SH3RF1: variants seen among roughly 807,000 people sequenced by gnomAD.
The protein encoded by SH3RF1 is E3 ubiquitin-protein ligase SH3RF1.
Under a neutral mutation model 74.0 loss-of-function variants are expected in SH3RF1, and 32 were observed. The observed-to-expected ratio is 0.43, with a 90% confidence interval of 0.33 to 0.58. The LOEUF (loss-of-function observed/expected upper bound fraction) is 0.58, where lower values mean the gene tolerates loss of function less well. Ranked by LOEUF, SH3RF1 falls within the 20% of genes least tolerant of loss-of-function variation. The pLI, the probability that SH3RF1 is intolerant of heterozygous loss-of-function variation, is 0.05. For missense variants in SH3RF1, 954 were observed against 1,130.9 expected (o/e 0.84, Z 2.24); for synonymous variants, 396 against 439.6 (o/e 0.90, Z 1.24).
intron 11 of SH3RF1, among the ~76,000 whole-genome samples, chr4:169,105,706 C>G (rs1429657602): frequency 6.6e-6 from 1 of 152,164 alleles, no homozygotes; most frequent in Non-Finnish European, 1.5e-5. Context: ...CTAGCCTGGG[C>G]AACATGGGAG....
chr4:169,118,037 C>T (rs780037727), intron 8 of SH3RF1, among the ~76,000 whole-genome samples: 2 of 152,216 alleles, frequency 1.3e-5, no homozygotes, highest in Non-Finnish European at 2.9e-5. Flanking sequence ...TTATTGCATT[C>T]AGCTTTCCAT....
intron 1 of SH3RF1, 90 bp from the exon 2 acceptor site, chr4:169,269,397 A>C (rs1342652799): frequency 1.7e-6 from 1 of 603,912 alleles, no homozygotes; most frequent in South Asian, 2.4e-5. Flanking sequence ...AAAAGTACCC[A>C]AAAGTACACT....
chr4:169,191,712 A>G (rs1345404721), intron 2 of SH3RF1, among the ~76,000 whole-genome samples: 2 of 152,194 alleles, frequency 1.3e-5, no homozygotes, highest in Non-Finnish European at 2.9e-5. Context: ...CCAATGGAAC[A>G]GAATAGAGAA....
chr4:169,133,456 C>T (rs185697395), intron 5 of SH3RF1, among the ~76,000 whole-genome samples: 34 of 148,638 alleles, frequency 2.3e-4, no homozygotes, highest in African/African-American at 8.0e-4. Flanking sequence ...GCCTGGGAGA[C>T]AACAGCAAAA....
intron 2 of SH3RF1, among the ~76,000 whole-genome samples, chr4:169,175,847 T>C (rs1734411572): frequency 6.6e-6 from 1 of 152,148 alleles, no homozygotes; most frequent in Non-Finnish European, 1.5e-5. Context: ...AATTCATAAA[T>C]TGAAACCCTA....
chr4:169,180,248 G>T (rs1734485665), intron 2 of SH3RF1, among the ~76,000 whole-genome samples: 1 of 120,344 alleles, frequency 8.3e-6, no homozygotes, highest in South Asian at 2.9e-4. Context: ...AGAATAAAGA[G>T]GTATAGAAAA....
Position 169,096,653 on chromosome 4 carries a change from C to T in SH3RF1, c.2533G>A (p.Glu845Lys), listed in dbSNP as rs1732937382. ...RVVVSYPPQS[E>K]AELELKEGDI... ...CCTTCTTTAAGTTCAAGTTCTGCCT[C>T]ACTCTGAGGAGGATAGGAAACCACC... The change falls in exon 12 of 12, where the codon GAG becomes AAG. Residue 845 changes from glutamate to lysine, a missense_variant. Physicochemically the swap from Glu to Lys is moderately conservative, Grantham distance 56 (BLOSUM62 1). Around this residue, in one of 3 missense-constraint regions of SH3RF1, gnomAD observed 36 missense variants for 66.5 expected, o/e 0.54. Coordinates refer to ENST00000284637, the MANE Select transcript of SH3RF1 (RefSeq NM_020870.4). 1.9e-6 allele frequency: 3 copies of T among 1,614,118 alleles called. No individual in the cohort carries two copies. The highest frequency in any genetic ancestry group is 2.5e-6 in the Non-Finnish European group (3 of 1,180,010).
At chr4:169,123,886 C>T (rs1032668930) in intron 6 of SH3RF1, among the ~76,000 whole-genome samples, 7 of 149,742 alleles carry the variant, frequency 4.7e-5, no homozygotes, top group South Asian at 2.1e-4. Flanking sequence ...AGCAAGACTC[C>T]GTCTCAAAAA....
intron 2 of SH3RF1, among the ~76,000 whole-genome samples, chr4:169,217,769 G>C (rs1730490810): frequency 6.6e-6 from 1 of 152,118 alleles, no homozygotes; most frequent in Non-Finnish European, 1.5e-5. Context: ...ATGGATTCTG[G>C]CTAGTGATGG....
chr4:169,193,454 C>A (rs1734761799), intron 2 of SH3RF1, among the ~76,000 whole-genome samples: 1 of 152,124 alleles, frequency 6.6e-6, no homozygotes, highest in African/African-American at 2.4e-5. Context: ...GATATTTATT[C>A]TTTTAAACAT....
chr4:169,220,460 C>T (rs1579145882), intron 2 of SH3RF1: 1 of 152,216 alleles, frequency 6.6e-6, no homozygotes, highest in African/African-American at 2.4e-5. Context: ...GATAAATTTT[C>T]CTTTTTCTAG....
intron 5 of SH3RF1, among the ~76,000 whole-genome samples, chr4:169,134,050 G>A (rs1318203434): frequency 6.6e-6 from 1 of 152,084 alleles, no homozygotes; most frequent in Non-Finnish European, 1.5e-5. Context: ...TGTGGCCTGG[G>A]GTGCCCTCCA....
intron 2 of SH3RF1, among the ~76,000 whole-genome samples, chr4:169,242,855 C>T (rs147711918): frequency 1.7e-4 from 26 of 152,322 alleles, no homozygotes; most frequent in African/African-American, 6.0e-4. Context: ...TCTTGGACTT[C>T]CCAGCCTCCA....
chr4:169,245,839 G>A (rs1730987890), intron 2 of SH3RF1, among the ~76,000 whole-genome samples: 1 of 152,176 alleles, frequency 6.6e-6, no homozygotes, highest in South Asian at 2.1e-4. Context: ...CAACAGGGGA[G>A]TATCCGTACA....
chr4:169,266,430 A>G (rs532369437), intron 2 of SH3RF1, among the ~76,000 whole-genome samples: 1 of 152,334 alleles, frequency 6.6e-6, no homozygotes, highest in East Asian at 1.9e-4. Flanking sequence ...GGAAGCGTCC[A>G]AAGAAGTGCC....
At position 169,096,555 on chromosome 4, in the gene SH3RF1, A is replaced by C. The variant is rs1214225211; in HGVS notation, c.2631T>G (p.Thr877=). The change falls in exon 12 of 12, where the codon ACT becomes ACG. Residue 877 remains threonine, a synonymous_variant. Transcript: ENST00000284637. ...CCACAAAGCTTCCTGGGAAAAGGCC[A>C]GTTTTCCCATTACGTTGTAATGTGC... ...FKGTLQRNGK[T]GLFPGSFVEN... The C allele has an allele frequency of 6.2e-7, 1 of 1,613,928 alleles. No homozygotes were observed. Among genetic ancestry groups the C allele is most frequent in the Non-Finnish European group, 8.5e-7 (1 of 1,180,016 alleles).
At chr4:169,167,289 A>G (rs1335234816) in intron 2 of SH3RF1, among the ~76,000 whole-genome samples, 1 of 152,218 alleles carries the variant, frequency 6.6e-6, no homozygotes, top group African/African-American at 2.4e-5. Context: ...CGTTCATTAG[A>G]ATGATTAAAA....
At chr4:169,124,345 CAT>C (rs1189064049) in intron 6 of SH3RF1, among the ~76,000 whole-genome samples, 1 of 152,140 alleles carries the variant, frequency 6.6e-6, no homozygotes, top group Non-Finnish European at 1.5e-5. Context: ...CTGATAAAAA[CAT>C]GTCATCTTTT....
At chr4:169,101,553 T>C (rs1733033580) in intron 11 of SH3RF1, among the ~76,000 whole-genome samples, 2 of 151,660 alleles carry the variant, frequency 1.3e-5, no homozygotes, top group Non-Finnish European at 2.9e-5. Flanking sequence ...TATGACAACA[T>C]GAATGTACTC....
Sources: gnomAD v4.1 joint callset for allele counts (sites outside exome capture counted in the v4.1 genomes callset) on GRCh38, gnomAD v4.1.1 for gene constraint, gnomAD v4.1.1 regional missense constraint, MANE v1.5 for transcripts, NCBI Gene and HGNC (gene_info 2026-07-23, HGNC 2026-07-21) for gene names.